CNTNAP2: variants seen among roughly 807,000 people sequenced by gnomAD.
CNTNAP2 encodes contactin associated protein 2.
A neutral mutation model predicts 155.2 loss-of-function variants in CNTNAP2; 98 were observed. The ratio of observed to expected loss-of-function variants is 0.63; its 90% confidence interval spans 0.54 to 0.75. CNTNAP2 has a LOEUF of 0.75. CNTNAP2 is among the 30% of genes least tolerant of loss of function. CNTNAP2 has a pLI of 0.00. For synonymous variants in CNTNAP2, 651 were observed against 631.2 expected, an observed-to-expected ratio of 1.03 and a Z score of -0.47; for missense variants, 1,727 against 1,688.1, an observed-to-expected ratio of 1.02 and a Z score of -0.40.
At chr7:146,410,505 G>T (rs1458134620) in intron 1 of CNTNAP2, among the ~76,000 whole-genome samples, 2 of 151,900 alleles carry the variant, frequency 1.3e-5, no homozygotes, top group African/African-American at 4.8e-5. Context: ...TCATTTTTTT[G>T]ACTTTTATTT....
At chr7:148,113,384 CA>C (rs1804397730) in intron 15 of CNTNAP2, among the ~76,000 whole-genome samples, 1 of 152,154 alleles carries the variant, frequency 6.6e-6, no homozygotes, top group Non-Finnish European at 1.5e-5. Flanking sequence ...ACAAAGACAG[CA>C]CCAAGGGCAA....
chr7:147,503,755 T>A (rs1197057722), intron 11 of CNTNAP2, among the ~76,000 whole-genome samples: 6 of 152,104 alleles, frequency 3.9e-5, no homozygotes, highest in Non-Finnish European at 1.5e-5. Flanking sequence ...ACTCAGTTAA[T>A]TTTTTTTCCA....
chr7:146,568,811 G>T (rs537318252), intron 1 of CNTNAP2, among the ~76,000 whole-genome samples: 2 of 152,104 alleles, frequency 1.3e-5, no homozygotes, highest in Non-Finnish European at 2.9e-5. Context: ...TTGAAACCTG[G>T]TTCCCATGTT....
intron 3 of CNTNAP2, among the ~76,000 whole-genome samples, chr7:147,006,600 C>T (rs1798529748): frequency 6.6e-6 from 1 of 151,834 alleles, no homozygotes; most frequent in Non-Finnish European, 1.5e-5. Flanking sequence ...AAGAAGATTC[C>T]TCCTCTCCCA....
intron 10 of CNTNAP2, among the ~76,000 whole-genome samples, chr7:147,431,590 C>T (rs1366236409): frequency 1.3e-5 from 2 of 152,188 alleles, no homozygotes; most frequent in Admixed American, 6.5e-5. Context: ...TGGCTTTCAC[C>T]TCCATCACTC....
At chr7:146,450,935 A>ATATTTATTTATT (rs60956135) in intron 1 of CNTNAP2, among the ~76,000 whole-genome samples, 5,205 of 148,810 alleles carry the variant, frequency 0.035, 151 homozygotes, top group African/African-American at 0.074. Context: ...CATAGTAAAA[A>ATATTTATTTATT]TATTTATTTA....
intron 13 of CNTNAP2, among the ~76,000 whole-genome samples, chr7:147,702,709 G>A (rs1014172030): frequency 1.3e-5 from 2 of 152,004 alleles, no homozygotes; most frequent in African/African-American, 4.8e-5. Context: ...CTCTCTTGTC[G>A]TTAATGTTTG....
At chr7:148,160,415 A>C (rs1805497579) in intron 17 of CNTNAP2, among the ~76,000 whole-genome samples, 1 of 151,992 alleles carries the variant, frequency 6.6e-6, no homozygotes, top group South Asian at 2.1e-4. Context: ...AACTCTAAAA[A>C]AAAAAAAAAG....
intron 15 of CNTNAP2, among the ~76,000 whole-genome samples, chr7:148,082,684 T>C (rs995618266): frequency 2.0e-5 from 3 of 151,456 alleles, no homozygotes; most frequent in Admixed American, 1.3e-4. Flanking sequence ...ATTTTCTTTC[T>C]TTTTTTTTGT....
intron 8 of CNTNAP2, among the ~76,000 whole-genome samples, chr7:147,145,997 C>G (rs1801693861): frequency 6.6e-6 from 1 of 152,142 alleles, no homozygotes; most frequent in Admixed American, 6.5e-5. Flanking sequence ...TTGTTCCTAC[C>G]ATTTTTATCA....
intron 1 of CNTNAP2, among the ~76,000 whole-genome samples, chr7:146,449,055 T>TA (rs1264485158): frequency 6.6e-6 from 1 of 152,132 alleles, no homozygotes; most frequent in Non-Finnish European, 1.5e-5. Flanking sequence ...AGGCCATTGA[T>TA]ACCATTCTTT....
chr7:148,384,484 C>T (rs1028977461), intron 22 of CNTNAP2, among the ~76,000 whole-genome samples: 3 of 152,184 alleles, frequency 2.0e-5, no homozygotes, highest in Admixed American at 6.5e-5. Flanking sequence ...AGAGTATACA[C>T]ATAACCCTGG....
At chr7:147,128,863 G>A (rs1272837511) in intron 7 of CNTNAP2, 27 bp downstream of exon 7, 5 of 1,613,416 alleles carry the variant, frequency 3.1e-6, no homozygotes, top group Non-Finnish European at 3.4e-6. Flanking sequence ...GCAAAATATT[G>A]GTCTATAAAA....
intron 13 of CNTNAP2, among the ~76,000 whole-genome samples, chr7:147,850,834 G>C (rs1798923757): frequency 6.6e-6 from 1 of 152,096 alleles, no homozygotes; most frequent in Admixed American, 6.5e-5. Context: ...AGAAAACCTA[G>C]GCAATACCAT....
intron 3 of CNTNAP2, among the ~76,000 whole-genome samples, chr7:147,022,215 T>C (rs1798829526): frequency 6.6e-6 from 1 of 152,170 alleles, no homozygotes; most frequent in African/African-American, 2.4e-5. Context: ...TCTGATTTCA[T>C]TGTAAGAGTT....
In CNTNAP2 at chr7:146,353,784, C is replaced by CAAT. The variant is rs564677532; in HGVS notation, c.97+236832_97+236834dup. On this transcript the variant is annotated intron_variant, in intron 1 of 23. Transcript: ENST00000361727. Reference sequence around the variant, plus strand: ...CTTAGATTACTAGGGCCTATTAAAACAATAATAATAATAATAATAATAAAC... The same window carrying CAAT: ...CTTAGATTACTAGGGCCTATTAAAACAATAATAATAATAATAATAATAATAAAC... Among the ~76,000 whole-genome samples the CAAT allele has an allele frequency of 2.7e-3, 409 of 150,878 alleles. 3 individuals are homozygous for CAAT. The highest frequency in any genetic ancestry group is 6.4e-3 in the African/African-American group (262 of 41,124).
chr7:148,027,121 A>G (rs16883782), intron 15 of CNTNAP2, among the ~76,000 whole-genome samples: 1 of 152,058 alleles, frequency 6.6e-6, no homozygotes, highest in Non-Finnish European at 1.5e-5. Context: ...GAAAAGCAAG[A>G]GATTTCAGAT....
rs184835877 is a variant in CNTNAP2 at position 146,650,648 on chromosome 7, C to T, written c.98-123623C>T. Among the ~76,000 whole-genome samples, 3 of 151,974 alleles carry T rather than the reference C, an allele frequency of 2.0e-5. No homozygotes were observed. In the East Asian group the frequency reaches 5.8e-4, roughly 29 times the overall value. ...CGCAGTTGTATACCTATGTAACAAA[C>T]CTACAGGTTCTGCACATGTATCCTA... On this transcript the variant is annotated intron_variant, in intron 1 of 23. Transcript: ENST00000361727.
At chr7:147,136,550 G>A (rs1304433389) in intron 8 of CNTNAP2, among the ~76,000 whole-genome samples, 2 of 151,868 alleles carry the variant, frequency 1.3e-5, no homozygotes, top group Non-Finnish European at 2.9e-5. Flanking sequence ...AGTTTTCTTG[G>A]TTCAGTGTGT....
Sources: allele counts gnomAD v4.1 joint callset (sites outside exome capture counted in the v4.1 genomes callset), GRCh38; gene constraint gnomAD v4.1.1; transcripts MANE v1.5; gene names NCBI Gene and HGNC (gene_info 2026-07-23, HGNC 2026-07-21).